The following DSTYK variants were observed in gnomAD, a reference collection of about 807,000 sequenced individuals.
The protein encoded by DSTYK is RIP-homologous kinase.
DSTYK carries 34 observed loss-of-function variants against 98.7 expected under a neutral mutation model. That is an observed-to-expected ratio of 0.34 (90% CI 0.26 to 0.46). The LOEUF is 0.46. Ranked by LOEUF, DSTYK falls within the 20% of genes least tolerant of loss-of-function variation. The probability of loss-of-function intolerance (pLI) is 1.00; values close to 1 mark genes in which losing one functional copy is unlikely to be tolerated. For missense variants in DSTYK, 962 were observed against 1,181.7 expected, an observed-to-expected ratio of 0.81 and a Z score of 2.73; for synonymous variants, 462 against 457.3, an observed-to-expected ratio of 1.01 and a Z score of -0.13.
intron 10 of DSTYK, among the ~76,000 whole-genome samples, chr1:205,155,817 C>A (rs1379650594): frequency 6.6e-6 from 1 of 152,204 alleles, no homozygotes; most frequent in East Asian, 1.9e-4. Flanking sequence ...GAGACCTTAA[C>A]AGCAGCCCCT....
chr1:205,147,450 G>T lies in DSTYK; in HGVS notation c.*108C>A. On this transcript the variant is annotated 3_prime_UTR_variant, in exon 13 of 13. Transcript: ENST00000367162. ...GTTCCAAGTTTCCCAGCAAGCACCA[G>T]TTCCCTTGGGAGTGTGTCCTATAGT... The T allele has an allele frequency of 7.9e-7, 1 of 1,263,728 alleles. No individual in the cohort carries two copies. Among genetic ancestry groups the T allele is most frequent in the Non-Finnish European group, 1.1e-6 (1 of 913,528 alleles). 78.3% of individuals were successfully genotyped at this position (1,263,728 alleles called of 1,614,324 possible). A position where few individuals can be genotyped will look rare whatever the true frequency, so the allele number is the denominator to read the frequency against.
rs533342257 is a variant in DSTYK at position 205,205,890 on chromosome 1, A to G, written c.265+5381T>C. ...CCAAAGGCAAAGAGCTATAAAAAAA[A>G]CCTGAGAATTATAACTCATATAAAA... On this transcript the variant is annotated intron_variant, in intron 1 of 12. Coordinates refer to ENST00000367162, the MANE Select transcript of DSTYK (RefSeq NM_015375.3). Among the ~76,000 whole-genome samples, 31 of 152,348 alleles carry G rather than the reference A, an allele frequency of 2.0e-4. No individual in the cohort carries two copies. In the Middle Eastern group the frequency reaches 0.01, roughly 50 times the overall value.
chr1:205,176,862 A>G (rs1658248807), intron 2 of DSTYK, among the ~76,000 whole-genome samples: 1 of 152,134 alleles, frequency 6.6e-6, no homozygotes, highest in South Asian at 2.1e-4. Flanking sequence ...ATGGCACATT[A>G]CTAAAACTCT....
intron 1 of DSTYK, among the ~76,000 whole-genome samples, chr1:205,200,752 A>T (rs1433133988): frequency 6.6e-6 from 1 of 152,150 alleles, no homozygotes; most frequent in Non-Finnish European, 1.5e-5. Context: ...AATATTAAGA[A>T]TTTACTTCCC....
chr1:205,191,386 T>C (rs1156290754), intron 1 of DSTYK, among the ~76,000 whole-genome samples: 1 of 152,222 alleles, frequency 6.6e-6, no homozygotes, highest in Non-Finnish European at 1.5e-5. Context: ...GAATGCAATA[T>C]GGAAGTGGGA....
intron 1 of DSTYK, 49 bp from the exon 2 acceptor site, chr1:205,187,855 G>C: frequency 1.3e-6 from 2 of 1,497,616 alleles, no homozygotes; most frequent in Non-Finnish European, 1.8e-6. Flanking sequence ...TAGAGAGAGA[G>C]GAGTGAGGAA....
intron 2 of DSTYK, among the ~76,000 whole-genome samples, chr1:205,174,887 G>C (rs938918790): frequency 6.7e-6 from 1 of 148,574 alleles, no homozygotes; most frequent in Non-Finnish European, 1.5e-5. Flanking sequence ...ACAGGCATGC[G>C]CCACCACGCC....
chr1:205,202,602 A>G, intron 1 of DSTYK: 1 of 1,101,612 alleles, frequency 9.1e-7, no homozygotes, highest in Non-Finnish European at 1.4e-6. Context: ...GGATTAACCC[A>G]TACGTGAGCT....
chr1:205,174,702 A>G (rs1233236913), intron 2 of DSTYK, among the ~76,000 whole-genome samples: 1 of 150,448 alleles, frequency 6.6e-6, no homozygotes, highest in Non-Finnish European at 1.5e-5. Context: ...TTACTTAATT[A>G]ATTAATTAAA....
intron 1 of DSTYK, chr1:205,202,127 A>AGGGAAGGGGAAG: frequency 1.1e-5 from 5 of 454,054 alleles, no homozygotes; most frequent in South Asian, 6.4e-5. Context: ...GGGGAAGGGA[A>AGGGAAGGGGAAG]GGGAAGGGGA....
chr1:205,153,002 C>T (rs1657448519), intron 10 of DSTYK, among the ~76,000 whole-genome samples: 1 of 152,178 alleles, frequency 6.6e-6, no homozygotes, highest in South Asian at 2.1e-4. Context: ...ACCAGGGAAA[C>T]ACTTCAGTGC....
Position 205,169,893 on chromosome 1 carries a change from C to T in DSTYK, c.655-61G>A. 6.7e-7 allele frequency: 1 copy of T among 1,488,920 alleles called. No individual in the cohort carries two copies. Among genetic ancestry groups the T allele is most frequent in the Non-Finnish European group, 9.0e-7 (1 of 1,112,898 alleles). The allele number at this position is 1,488,920 out of a possible 1,614,324, so 92.2% of individuals were successfully genotyped here. ...GGGTCAGAACCAATCCCTGTCTCCC[C>T]AAAGTCCCACACTGAGACCAAAATC... On this transcript the variant is annotated intron_variant, in intron 2 of 12. Coordinates refer to ENST00000367162, the MANE Select transcript of DSTYK (RefSeq NM_015375.3). This position sits in a 1 kb window ranked among gnomAD's most constrained non-coding sequence, Gnocchi z 4.0.
At chr1:205,197,561 A>C (rs1658903236) in intron 1 of DSTYK, among the ~76,000 whole-genome samples, 1 of 152,020 alleles carries the variant, frequency 6.6e-6, no homozygotes, top group African/African-American at 2.4e-5. Context: ...TCTTGATCTC[A>C]GAGGAAAGAG....
chr1:205,210,883 G>C (rs1659351043), intron 1 of DSTYK, among the ~76,000 whole-genome samples: 1 of 152,222 alleles, frequency 6.6e-6, no homozygotes, highest in Admixed American at 6.5e-5. Context: ...CTAAACTGGG[G>C]CTCTGACCCA....
chr1:205,205,595 A>G (rs1659176568), intron 1 of DSTYK, among the ~76,000 whole-genome samples: 1 of 151,696 alleles, frequency 6.6e-6, no homozygotes, highest in African/African-American at 2.4e-5. Flanking sequence ...ATAGGCCCGC[A>G]CCGCCATGCC....
At chr1:205,172,378 T>C (rs375385461) in intron 2 of DSTYK, among the ~76,000 whole-genome samples, 1 of 151,374 alleles carries the variant, frequency 6.6e-6, no homozygotes, top group African/African-American at 2.4e-5. Context: ...AGGTTCACTG[T>C]AGTCTCAACC....
rs193224191 is a variant in DSTYK, at chr1:205,151,253, G to A, written c.2353-459C>T. Among the ~76,000 whole-genome samples, 107 of 152,298 alleles carry A rather than the reference G, an allele frequency of 7.0e-4. No homozygotes were observed. The South Asian group carries it at 0.012, about 17-fold the overall frequency. On this transcript the variant is annotated intron_variant, in intron 10 of 12. Coordinates refer to ENST00000367162, the MANE Select transcript of DSTYK (RefSeq NM_015375.3). The stretch of plus-strand genomic sequence containing the variant: ...GTGAGTGAATGTGAAGGCCTAGGAC[G>A]TTACTGTACACCACTGTAGGCTTTA...
intron 11 of DSTYK, 91 bp from the exon 12 acceptor site, chr1:205,148,430 T>C: frequency 2.0e-6 from 3 of 1,519,028 alleles, no homozygotes; most frequent in Non-Finnish European, 1.8e-6. Flanking sequence ...GTTGGCTTTT[T>C]CCAAAGCTTT....
chr1:205,198,030 T>A (rs898466258), intron 1 of DSTYK, among the ~76,000 whole-genome samples: 1 of 151,900 alleles, frequency 6.6e-6, no homozygotes, highest in African/African-American at 2.4e-5. Flanking sequence ...CCCGTCTCTA[T>A]TAAAAATACA....
Sources: allele counts gnomAD v4.1 joint callset (sites outside exome capture counted in the v4.1 genomes callset), GRCh38; gene constraint gnomAD v4.1.1; non-coding constraint Gnocchi (gnomAD v3.1); transcripts MANE v1.5; gene names NCBI Gene and HGNC (gene_info 2026-07-23, HGNC 2026-07-21).